The following MPPED2 variants were observed in gnomAD, a reference collection of about 807,000 sequenced individuals.
MPPED2 encodes metallophosphoesterase MPPED2.
A neutral mutation model predicts 33.0 loss-of-function variants in MPPED2; 5 were observed. The observed-to-expected ratio is 0.15, with a 90% CI of 0.08 to 0.32. The LOEUF is 0.32. Among genes scored for constraint, MPPED2 ranks in the 10% least tolerant of loss-of-function variants. The pLI is 1.00. For missense variants in MPPED2, 275 were observed against 372.1 expected (o/e 0.74, Z 2.15); for synonymous variants, 136 against 141.9 (o/e 0.96, Z 0.29).
At position 30,414,340 on chromosome 11, in the gene MPPED2, A is replaced by T. The variant is rs1284085882; in HGVS notation, c.654T>A (p.Gly218=). The T allele has an allele frequency of 6.2e-7, 1 of 1,604,008 alleles. No individual in the cohort carries two copies. Among genetic ancestry groups the T allele is most frequent in the Non-Finnish European group, 8.5e-7 (1 of 1,170,882 alleles). The change falls in exon 6 of 7, where the codon GGT becomes GGA. Residue 218 remains glycine, a splice_region_variant and synonymous_variant. Transcript: ENST00000358117. ...DILMTHGPPL[G]FRDWVPKELQ... ...GCTCCTTTGGAACCCAGTCTCGAAA[A>T]CCTAAGGGCAAAATGCAATCAATAC...
chr11:30,403,519 G>T (rs1314344282), intron 6 of MPPED2, among the ~76,000 whole-genome samples: 1 of 152,174 alleles, frequency 6.6e-6, no homozygotes, highest in African/African-American at 2.4e-5. Context: ...TGTTTCAGCT[G>T]TTTGAAACAA....
chr11:30,561,195 G>A (rs1956224511), intron 2 of MPPED2, among the ~76,000 whole-genome samples: 1 of 152,110 alleles, frequency 6.6e-6, no homozygotes, highest in Non-Finnish European at 1.5e-5. Flanking sequence ...AATTTCTACA[G>A]TGAAATAAAT....
chr11:30,521,178 T>C (rs943977095), intron 3 of MPPED2, among the ~76,000 whole-genome samples: 4 of 152,162 alleles, frequency 2.6e-5, no homozygotes, highest in Non-Finnish European at 2.9e-5. Flanking sequence ...TTTAGTATTT[T>C]CATTGTATAT....
At chr11:30,493,418 G>A (rs1475848593) in intron 4 of MPPED2, among the ~76,000 whole-genome samples, 1 of 151,764 alleles carries the variant, frequency 6.6e-6, no homozygotes, top group Non-Finnish European at 1.5e-5. Flanking sequence ...ACTTACAGAG[G>A]ACAAGCCAAA....
intron 2 of MPPED2, among the ~76,000 whole-genome samples, chr11:30,549,462 A>C (rs1042059799): frequency 2.0e-5 from 3 of 152,138 alleles, no homozygotes; most frequent in African/African-American, 7.2e-5. Flanking sequence ...ATTCCTTCAT[A>C]TGCTCAAGTG....
intron 3 of MPPED2, among the ~76,000 whole-genome samples, chr11:30,496,940 T>C (rs2134217155): frequency 6.6e-6 from 1 of 152,244 alleles, no homozygotes; most frequent in African/African-American, 2.4e-5. Flanking sequence ...AAATTGCATA[T>C]ATAGCAAGGG....
intron 4 of MPPED2, among the ~76,000 whole-genome samples, chr11:30,455,591 T>A (rs1393127459): frequency 6.7e-6 from 1 of 149,620 alleles, no homozygotes; most frequent in Non-Finnish European, 1.5e-5. Flanking sequence ...TCCAGCGCCC[T>A]TTGTTTTTTA....
At chr11:30,567,488 G>A (rs1246389049) in intron 2 of MPPED2, among the ~76,000 whole-genome samples, 2 of 151,902 alleles carry the variant, frequency 1.3e-5, no homozygotes, top group African/African-American at 4.8e-5. Context: ...GAGCAATCAG[G>A]GGGTGCTTTT....
intron 4 of MPPED2, among the ~76,000 whole-genome samples, chr11:30,448,189 A>G (rs1949898068): frequency 6.6e-6 from 1 of 152,208 alleles, no homozygotes; most frequent in Admixed American, 6.5e-5. Flanking sequence ...AGGGTTTGCA[A>G]TGGAATACTA....
chr11:30,414,126 T>C (rs1373883544), intron 6 of MPPED2, 102 bp downstream of exon 6: 2 of 749,628 alleles, frequency 2.7e-6, no homozygotes, highest in Admixed American at 2.2e-5. Context: ...AGGGTCCCGC[T>C]GCTAAAAAGT....
intron 4 of MPPED2, among the ~76,000 whole-genome samples, chr11:30,485,471 A>ATTTACACATGTTACACATCACATGTGT: frequency 6.6e-6 from 1 of 151,816 alleles, no homozygotes. Flanking sequence ...CATGTGTAAC[A>ATTTACACATGTTACACATCACATGTGT]AGGTAAATAA....
At chr11:30,481,806 G>C in intron 4 of MPPED2, among the ~76,000 whole-genome samples, 1 of 152,060 alleles carries the variant, frequency 6.6e-6, no homozygotes, top group East Asian at 1.9e-4. Context: ...TATCTTAGGA[G>C]ACTCTGATTT....
chr11:30,581,458 T>C (rs116707375), intron 1 of MPPED2, among the ~76,000 whole-genome samples: 1,536 of 152,320 alleles, frequency 0.01, 35 homozygotes, highest in African/African-American at 0.035. Context: ...GTTGTTGCAA[T>C]TGATCAGTGC....
intron 1 of MPPED2, chr11:30,584,371 CACACA>C (rs1564921316): frequency 0.02 from 1,581 of 77,892 alleles, 18 homozygotes; most frequent in East Asian, 0.16. Context: ...CACACACACA[CACACA>C]CCACATACAC....
At chr11:30,400,685 A>G (rs892907528) in intron 6 of MPPED2, among the ~76,000 whole-genome samples, 1 of 152,244 alleles carries the variant, frequency 6.6e-6, no homozygotes, top group Non-Finnish European at 1.5e-5. Flanking sequence ...TCTGGCTTAT[A>G]GACATGTACT....
At chr11:30,538,870 C>T (rs1166385803) in intron 2 of MPPED2, among the ~76,000 whole-genome samples, 1 of 152,102 alleles carries the variant, frequency 6.6e-6, no homozygotes, top group Non-Finnish European at 1.5e-5. Flanking sequence ...TATCCTGACC[C>T]AGAGGCACTG....
rs1279535318 is a variant in MPPED2 at position 30,504,893 on chromosome 11, CCAGGAGAAGG to C, written c.311-9382_311-9373del. On this transcript the variant is annotated intron_variant, in intron 3 of 6. Coordinates refer to ENST00000358117, the MANE Select transcript of MPPED2 (RefSeq NM_001584.3). The stretch of plus-strand genomic sequence containing the variant: ...ATAATGTCAGGGCTGAGCCAGAAAC[CCAGGAGAAGG>C]CAGGGGATGCGGAGTGAAAGCCCGG... 1.3e-5 allele frequency: 13 copies of C among 974,216 alleles called. No homozygotes were observed. The East Asian group carries it at 7.8e-4, about 59-fold the overall frequency. The allele number at this position is 974,216 out of a possible 1,614,324, so 60.3% of individuals were successfully genotyped here.
chr11:30,416,878 G>C (rs1948388946), intron 5 of MPPED2, among the ~76,000 whole-genome samples: 2 of 152,166 alleles, frequency 1.3e-5, no homozygotes, highest in Non-Finnish European at 2.9e-5. Context: ...TAAGTCAACT[G>C]ATCATTCTTT....
intron 6 of MPPED2, among the ~76,000 whole-genome samples, chr11:30,400,489 T>G (rs147565949): frequency 1.3e-5 from 2 of 152,352 alleles, no homozygotes; most frequent in African/African-American, 2.4e-5. Flanking sequence ...TAGCCATTCT[T>G]TATTATTTGG....
Sources: gnomAD v4.1 joint callset for allele counts (sites outside exome capture counted in the v4.1 genomes callset) on GRCh38, gnomAD v4.1.1 for gene constraint, MANE v1.5 for transcripts, NCBI Gene and HGNC (gene_info 2026-07-23, HGNC 2026-07-21) for gene names.